The following PPP3R2 variants were observed in gnomAD, a reference collection of about 807,000 sequenced individuals.
The protein encoded by PPP3R2 is calcineurin subunit B type 2.
For synonymous variants in PPP3R2, 91 were observed against 91.5 expected, an observed-to-expected ratio of 0.99 and a Z score of 0.03; for missense variants, 225 against 217.4, an observed-to-expected ratio of 1.03 and a Z score of -0.22.
rs1828033422 is a variant in PPP3R2, at chr9:101,592,026, C to T, written c.*2383G>A. On this transcript the variant is annotated 3_prime_UTR_variant, in exon 1 of 1. Coordinates refer to ENST00000374806, the MANE Select transcript of PPP3R2 (RefSeq NM_147180.4). ...GCCTCTCTTTAATGACAATAATGTC[C>T]TCTTGGCTAGCATGACATGTGCTCA... 6.6e-6 allele frequency: 1 copy of T among 152,124 alleles called. No homozygotes were observed. Among genetic ancestry groups the T allele is most frequent in the African/African-American group, 2.4e-5 (1 of 41,414 alleles). The allele number at this position is 152,124 out of a possible 1,614,324, so 9.4% of individuals were successfully genotyped here.
In PPP3R2 at chr9:101,592,132, T is replaced by C. The variant is rs1283736712; in HGVS notation, c.*2277A>G. On this transcript the variant is annotated 3_prime_UTR_variant, in exon 1 of 1. Coordinates refer to ENST00000374806, the MANE Select transcript of PPP3R2 (RefSeq NM_147180.4). ...AGATTTTGTTTTAAAAATTCTCCAG[T>C]TCTCAGGTCAGAAAGTCTGTTGTCC... 1 of 152,190 alleles carries C rather than the reference T, an allele frequency of 6.6e-6. No homozygotes were observed. The highest frequency in any genetic ancestry group is 1.5e-5 in the Non-Finnish European group (1 of 68,034). The allele number at this position is 152,190 out of a possible 1,614,324, so 9.4% of individuals were successfully genotyped here.
Position 101,593,728 on chromosome 9 carries a change from C to T in PPP3R2, c.*681G>A, listed in dbSNP as rs1828065876. 6.6e-6 allele frequency: 1 copy of T among 152,178 alleles called. No homozygotes were observed. Among genetic ancestry groups the T allele is most frequent in the Non-Finnish European group, 1.5e-5 (1 of 68,074 alleles). The allele number at this position is 152,178 out of a possible 1,614,324, so 9.4% of individuals were successfully genotyped here. Reference sequence around the variant, plus strand: ...TGATGGCTGAGCTGGGCACTTAGTCCAGGCTTAGCATTTCCTATAAGAGCC... The same window carrying T: ...TGATGGCTGAGCTGGGCACTTAGTCTAGGCTTAGCATTTCCTATAAGAGCC... On this transcript the variant is annotated 3_prime_UTR_variant, in exon 1 of 1. Transcript: ENST00000374806.
rs1378306586 is a variant in PPP3R2 at position 101,594,756 on chromosome 9, G to A, written c.166C>T (p.Arg56Trp). ...LPELRHNPLV[R>W]RVIDVFDTDG... ...GTGTCGAAGACGTCGATCACTCGCC[G>A]CACCAACGGGTTGTGGCGCAGCTCC... Residue 56 changes from arginine to tryptophan, a missense_variant, in exon 1 of 1, where the codon CGG becomes TGG. Transcript: ENST00000374806. The A allele has an allele frequency of 6.2e-7, 1 of 1,614,044 alleles. No individual in the cohort carries two copies. Among genetic ancestry groups the A allele is most frequent in the Non-Finnish European group, 8.5e-7 (1 of 1,180,044 alleles).
chr9:101,594,337 C>G lies in PPP3R2; in HGVS notation c.*72G>C. On this transcript the variant is annotated 3_prime_UTR_variant, in exon 1 of 1. Transcript: ENST00000374806. ...CAGATAAGTCAGAGAGACAGTTGGACGTCTTGAGCAAATCTTGAAAGAGAT... is the reference window on the plus strand; with the variant it reads ...CAGATAAGTCAGAGAGACAGTTGGAGGTCTTGAGCAAATCTTGAAAGAGAT... 6.6e-7 allele frequency: 1 copy of G among 1,507,600 alleles called. No individual in the cohort carries two copies. Among genetic ancestry groups the G allele is most frequent in the Non-Finnish European group, 8.9e-7 (1 of 1,122,988 alleles). The allele number at this position is 1,507,600 out of a possible 1,614,324, so 93.4% of individuals were successfully genotyped here. A position where few individuals can be genotyped will look rare whatever the true frequency, so the allele number is the denominator to read the frequency against.
At position 101,592,005 on chromosome 9, in the gene PPP3R2, C is replaced by T. The variant is rs1424525332; in HGVS notation, c.*2404G>A. 3 of 152,214 alleles carry T rather than the reference C, an allele frequency of 2.0e-5. No homozygotes were observed. The highest frequency in any genetic ancestry group is 1.9e-4 in the East Asian group (1 of 5,202). 9.4% of individuals were successfully genotyped at this position (152,214 alleles called of 1,614,324 possible). A position where few individuals can be genotyped will look rare whatever the true frequency, so the allele number is the denominator to read the frequency against. Reference sequence around the variant, plus strand: ...ATTGCAGGGTGTATAAATAATGCCTCTCTTTAATGACAATAATGTCCTCTT... The same window carrying T: ...ATTGCAGGGTGTATAAATAATGCCTTTCTTTAATGACAATAATGTCCTCTT... On this transcript the variant is annotated 3_prime_UTR_variant, in exon 1 of 1. Transcript: ENST00000374806.
At position 101,593,015 on chromosome 9, in the gene PPP3R2, C is replaced by T. The variant is rs1376322478; in HGVS notation, c.*1394G>A. Reference sequence around the variant, plus strand: ...GATGCTGGGACAAGTCCTAGCCCTGCTCTTCTGAGGACAGTTCATGCTCTG... The same window carrying T: ...GATGCTGGGACAAGTCCTAGCCCTGTTCTTCTGAGGACAGTTCATGCTCTG... On this transcript the variant is annotated 3_prime_UTR_variant, in exon 1 of 1. Coordinates refer to ENST00000374806, the MANE Select transcript of PPP3R2 (RefSeq NM_147180.4). 1 of 152,286 alleles carries T rather than the reference C, an allele frequency of 6.6e-6. No homozygotes were observed. Among genetic ancestry groups the T allele is most frequent in the East Asian group, 1.9e-4 (1 of 5,172 alleles). The allele number at this position is 152,286 out of a possible 1,614,324, so 9.4% of individuals were successfully genotyped here.
rs566099440 is a variant in PPP3R2, at chr9:101,592,286, G to A, written c.*2123C>T. On this transcript the variant is annotated 3_prime_UTR_variant, in exon 1 of 1. Coordinates refer to ENST00000374806, the MANE Select transcript of PPP3R2 (RefSeq NM_147180.4). Reference sequence around the variant, plus strand: ...GGGTGTAGCTAAGAACTAAGTAAGTGTTCAAAAGCAACCAGTAAGCCTCAT... The same window carrying A: ...GGGTGTAGCTAAGAACTAAGTAAGTATTCAAAAGCAACCAGTAAGCCTCAT... The A allele has an allele frequency of 2.0e-5, 3 of 152,294 alleles. No homozygotes were observed. Among genetic ancestry groups the A allele is most frequent in the Admixed American group, 6.5e-5 (1 of 15,298 alleles). The allele number at this position is 152,294 out of a possible 1,614,324, so 9.4% of individuals were successfully genotyped here.
chr9:101,594,421 G>T lies in PPP3R2; in HGVS notation c.501C>A (p.Val167=). The T allele has an allele frequency of 1.2e-6, 2 of 1,608,064 alleles. No homozygotes were observed. The highest frequency in any genetic ancestry group is 2.7e-5 in the African/African-American group (2 of 74,916). The change falls in exon 1 of 1, where the codon GTC becomes GTA. Residue 167 remains valine (V), a synonymous_variant. Coordinates refer to ENST00000374806, the MANE Select transcript of PPP3R2 (RefSeq NM_147180.4). ...VRDLEIHKKL[V]LIV is the part of the protein sequence containing the mutation. ...GTAAGAAAAAGGCTCATACGATGAG[G>T]ACCAGCTTCTTGTGGATCTCCAGGT...
At position 101,594,965 on chromosome 9, in the gene PPP3R2, G is replaced by A; in HGVS notation, c.-44C>T. The A allele has an allele frequency of 6.4e-7, 1 of 1,572,576 alleles. No individual in the cohort carries two copies. Reference sequence around the variant, plus strand: ...GCCACGGCTCAAAGGGTCGGAGAGGGGAGCAGGGGCGGTGAGCTCGGGCGG... The same window carrying A: ...GCCACGGCTCAAAGGGTCGGAGAGGAGAGCAGGGGCGGTGAGCTCGGGCGG... On this transcript the variant is annotated 5_prime_UTR_variant, in exon 1 of 1. Coordinates refer to ENST00000374806, the MANE Select transcript of PPP3R2 (RefSeq NM_147180.4).
Position 101,594,733 on chromosome 9 carries a change from G to C in PPP3R2, c.189C>G (p.Asp63Glu). The C allele has an allele frequency of 6.2e-7, 1 of 1,613,986 alleles. No homozygotes were observed. ...AGTCCACTTCTCCATCACCGTCGGTGTCGAAGACGTCGATCACTCGCCGCA... is the reference window on the plus strand; with the variant it reads ...AGTCCACTTCTCCATCACCGTCGGTCTCGAAGACGTCGATCACTCGCCGCA... ...PLVRRVIDVF[D>E]TDGDGEVDFK... The change falls in exon 1 of 1, where the codon GAC (aspartate) becomes GAG (glutamate). Residue 63 changes from aspartate (D) to glutamate (E), a missense_variant. Asp to Glu is a conservative substitution (Grantham distance 45). Transcript: ENST00000374806.
In PPP3R2 at chr9:101,594,507, T is replaced by G; in HGVS notation, c.415A>C (p.Ile139Leu). Residue 139 changes from isoleucine to leucine, a missense_variant, in exon 1 of 1, where the codon ATC (isoleucine) becomes CTC (leucine). Physicochemically the swap from Ile to Leu is conservative, Grantham distance 5. Transcript: ENST00000374806. ...TTCCCATCGCCATCCTTGTCCAGGA[T>G]GATGATGGTTTTGTCGACCAGCTGC... is the stretch of plus-strand genomic sequence containing the variant. ...LQQLVDKTII[I>L]LDKDGDGKIS... 2 of 1,614,204 alleles carry G rather than the reference T, an allele frequency of 1.2e-6. No homozygotes were observed. Among genetic ancestry groups the G allele is most frequent in the Non-Finnish European group, 1.7e-6 (2 of 1,180,032 alleles).
In PPP3R2 at chr9:101,592,710, G is replaced by T. The variant is rs1002414761; in HGVS notation, c.*1699C>A. On this transcript the variant is annotated 3_prime_UTR_variant, in exon 1 of 1. Transcript: ENST00000374806. ...ATTAAATACAAAAGTATATGGTAGG[G>T]TACCTTGATAGATGGGTTCCCTACA... is the stretch of plus-strand genomic sequence containing the variant. The T allele has an allele frequency of 4.6e-5, 7 of 151,342 alleles. No individual in the cohort carries two copies. Among genetic ancestry groups the T allele is most frequent in the African/African-American group, 1.7e-4 (7 of 41,174 alleles). The allele number at this position is 151,342 out of a possible 1,614,324, so 9.4% of individuals were successfully genotyped here.
At position 101,593,588 on chromosome 9, in the gene PPP3R2, G is replaced by A. The variant is rs371012746; in HGVS notation, c.*821C>T. 6.6e-6 allele frequency: 1 copy of A among 152,252 alleles called. No individual in the cohort carries two copies. Among genetic ancestry groups the A allele is most frequent in the South Asian group, 2.1e-4 (1 of 4,826 alleles). 9.4% of individuals were successfully genotyped at this position (152,252 alleles called of 1,614,324 possible). A position where few individuals can be genotyped will look rare whatever the true frequency, so the allele number is the denominator to read the frequency against. On this transcript the variant is annotated 3_prime_UTR_variant, in exon 1 of 1. Coordinates refer to ENST00000374806, the MANE Select transcript of PPP3R2 (RefSeq NM_147180.4). ...CCTGGGGGTAGGGACCAGTGTCGGA[G>A]GTGAGAGCACTTTCTGGGAGAACAC...
At position 101,594,932 on chromosome 9, in the gene PPP3R2, T is replaced by C; in HGVS notation, c.-11A>G. 1.3e-6 allele frequency: 2 copies of C among 1,595,934 alleles called. No homozygotes were observed. Among genetic ancestry groups the C allele is most frequent in the Non-Finnish European group, 1.7e-6 (2 of 1,177,956 alleles). On this transcript the variant is annotated 5_prime_UTR_variant, in exon 1 of 1. Transcript: ENST00000374806. Reference sequence around the variant, plus strand: ...GGCCTCGTTTCCCATTGTGGACATCTGGCAACGGCCACGGCTCAAAGGGTC... The same window carrying C: ...GGCCTCGTTTCCCATTGTGGACATCCGGCAACGGCCACGGCTCAAAGGGTC...
rs576097834 is a variant in PPP3R2 at position 101,594,815 on chromosome 9, C to T, written c.107G>A (p.Gly36Glu). ...CATGAACTCCTCCACGCTCAGAGAC[C>T]CTGATTTGTCCAAGTCCAACTTCTT... is the stretch of plus-strand genomic sequence containing the variant. ...RFKKLDLDKS[G>E]SLSVEEFMSL... Residue 36 changes from glycine to glutamate, a missense_variant, in exon 1 of 1, where the codon GGG (glycine) becomes GAG (glutamate). Transcript: ENST00000374806. 6.7e-4 allele frequency: 1,083 copies of T among 1,611,898 alleles called. 15 individuals are homozygous for T. The South Asian group carries it at 0.011, about 16-fold the overall frequency.
Position 101,594,956 on chromosome 9 carries a change from T to G in PPP3R2, c.-35A>C. 1 of 1,581,384 alleles carries G rather than the reference T, an allele frequency of 6.3e-7. No individual in the cohort carries two copies. Among genetic ancestry groups the G allele is most frequent in the Non-Finnish European group, 8.5e-7 (1 of 1,170,800 alleles). ...CTGGCAACGGCCACGGCTCAAAGGGTCGGAGAGGGGAGCAGGGGCGGTGAG... is the reference window on the plus strand; with the variant it reads ...CTGGCAACGGCCACGGCTCAAAGGGGCGGAGAGGGGAGCAGGGGCGGTGAG... On this transcript the variant is annotated 5_prime_UTR_variant, in exon 1 of 1. Transcript: ENST00000374806.
In PPP3R2 at chr9:101,594,380, T is replaced by C. The variant is rs765630257; in HGVS notation, c.*29A>G. ...AAAGAGATAGGGAAGAAAGCAGAAG[T>C]TGTTGGGTGGTGCTTGTAAGAAAAA... is the stretch of plus-strand genomic sequence containing the variant. On this transcript the variant is annotated 3_prime_UTR_variant, in exon 1 of 1. Transcript: ENST00000374806. The C allele has an allele frequency of 1.9e-6, 3 of 1,558,030 alleles. No individual in the cohort carries two copies. Among genetic ancestry groups the C allele is most frequent in the Non-Finnish European group, 2.6e-6 (3 of 1,151,612 alleles).
Position 101,592,111 on chromosome 9 carries a change from T to A in PPP3R2, c.*2298A>T, listed in dbSNP as rs1184221983. On this transcript the variant is annotated 3_prime_UTR_variant, in exon 1 of 1. Transcript: ENST00000374806. ...AATAGGTTGGGCTGGAATGAGAGAT[T>A]TTGTTTTAAAAATTCTCCAGTTCTC... The A allele has an allele frequency of 1.3e-5, 2 of 152,158 alleles. No homozygotes were observed. The highest frequency in any genetic ancestry group is 4.8e-5 in the African/African-American group (2 of 41,422). 9.4% of individuals were successfully genotyped at this position (152,158 alleles called of 1,614,324 possible). A position where few individuals can be genotyped will look rare whatever the true frequency, so the allele number is the denominator to read the frequency against.
In PPP3R2 at chr9:101,594,853, C is replaced by T. The variant is rs780596953; in HGVS notation, c.69G>A (p.Leu23=). 8.7e-6 allele frequency: 14 copies of T among 1,605,622 alleles called. No homozygotes were observed. Among genetic ancestry groups the T allele is most frequent in the Non-Finnish European group, 1.2e-5 (14 of 1,180,002 alleles). The change falls in exon 1 of 1, where the codon CTG becomes CTA. Residue 23 remains leucine, a synonymous_variant. Coordinates refer to ENST00000374806, the MANE Select transcript of PPP3R2 (RefSeq NM_147180.4). ...SHFDNDEIKR[L]GRRFKKLDLD... ...AGTCCAACTTCTTAAACCTCCTGCC[C>T]AGCCTTTTAATTTCATCATTGTCAA...
Sources: allele counts gnomAD v4.1 joint callset, GRCh38; gene constraint gnomAD v4.1.1; transcripts MANE v1.5; gene names NCBI Gene and HGNC (gene_info 2026-07-23, HGNC 2026-07-21).